The following PPM1D variants were observed in gnomAD, a reference collection of about 807,000 sequenced individuals.
PPM1D encodes protein phosphatase, Mg2+/Mn2+ dependent 1D, also known as protein phosphatase 1D.
A neutral mutation model predicts 58.3 loss-of-function variants in PPM1D; 52 were observed. That is an observed-to-expected ratio of 0.89 (90% CI 0.71 to 1.12). PPM1D has a LOEUF of 1.12. Among genes scored for constraint, PPM1D ranks in the 50% most tolerant of loss-of-function variants. The pLI is 0.00. For missense variants in PPM1D, 564 were observed against 777.2 expected, an observed-to-expected ratio of 0.73 and a Z score of 3.26; for synonymous variants, 278 against 285.1, an observed-to-expected ratio of 0.98 and a Z score of 0.25.
chr17:60,604,202 A>G (rs1447152364), intron 1 of PPM1D, among the ~76,000 whole-genome samples: 1 of 152,246 alleles, frequency 6.6e-6, no homozygotes, highest in East Asian at 1.9e-4. Flanking sequence ...ATGTTTGTTA[A>G]TATCACTGAT....
chr17:60,600,338 C>G lies in PPM1D; in HGVS notation c.-77C>G, dbSNP rs529878076. Reference sequence around the variant, plus strand: ...TCGTCGAAGATAAACAATAGTTGGCCGGCGAGCGCCTAGTGTGTCTCCCGC... The same window carrying G: ...TCGTCGAAGATAAACAATAGTTGGCGGGCGAGCGCCTAGTGTGTCTCCCGC... On this transcript the variant is annotated 5_prime_UTR_variant, in exon 1 of 6. Transcript: ENST00000305921. The G allele has an allele frequency of 4.0e-6, 6 of 1,508,914 alleles. No individual in the cohort carries two copies. The highest frequency in any genetic ancestry group is 5.3e-6 in the Non-Finnish European group (6 of 1,132,730). 93.5% of individuals were successfully genotyped at this position (1,508,914 alleles called of 1,614,324 possible). A position where few individuals can be genotyped will look rare whatever the true frequency, so the allele number is the denominator to read the frequency against.
At chr17:60,638,457 C>T (rs1182506094) in intron 3 of PPM1D, among the ~76,000 whole-genome samples, 1 of 152,040 alleles carries the variant, frequency 6.6e-6, no homozygotes, top group African/African-American at 2.4e-5. Context: ...CAACTTCCGC[C>T]TCCCCGGCTC....
intron 1 of PPM1D, chr17:60,604,520 A>G (rs569446415): frequency 2.0e-5 from 3 of 152,220 alleles, no homozygotes; most frequent in African/African-American, 4.8e-5. Flanking sequence ...AAGCCTGTTT[A>G]TGTAGTCTCC....
At chr17:60,662,339 A>G (rs1267100661) in intron 5 of PPM1D, 2 of 152,122 alleles carry the variant, frequency 1.3e-5, no homozygotes, top group African/African-American at 4.8e-5. Context: ...TTTTTGAAAT[A>G]GGGAACGCTT....
intron 1 of PPM1D, among the ~76,000 whole-genome samples, chr17:60,611,691 T>C (rs1265781040): frequency 6.6e-6 from 1 of 152,154 alleles, no homozygotes; most frequent in Non-Finnish European, 1.5e-5. Context: ...AGCGCTGGGA[T>C]TGTAGGTGTG....
Position 60,663,433 on chromosome 17 carries a change from C to T in PPM1D, c.1699C>T (p.Pro567Ser), listed in dbSNP as rs1487712457. Residue 567 changes from proline to serine, a missense_variant, in exon 6 of 6, where the codon CCC (proline) becomes TCC (serine). Physicochemically the swap from Pro to Ser is moderately conservative, Grantham distance 74. Around this residue, in one of 7 missense-constraint regions of PPM1D, gnomAD observed 261 missense variants for 270.1 expected, o/e 0.97. Transcript: ENST00000305921. ...RSSGAQPASL[P>S]TTSQRKNSVK... ...TAGTGGTGCTCAGCCTGCAAGTCTC[C>T]CCACAACCTCACAGCGAAAGAACTC... 2 of 1,614,130 alleles carry T rather than the reference C, an allele frequency of 1.2e-6. No individual in the cohort carries two copies. Among genetic ancestry groups the T allele is most frequent in the South Asian group, 2.2e-5 (2 of 91,078 alleles).
intron 1 of PPM1D, among the ~76,000 whole-genome samples, chr17:60,601,359 G>A (rs1024061804): frequency 6.6e-6 from 1 of 152,178 alleles, no homozygotes; most frequent in Non-Finnish European, 1.5e-5. Context: ...AGATTGACCC[G>A]GGATTGCTGG....
intron 1 of PPM1D, among the ~76,000 whole-genome samples, chr17:60,609,559 G>A (rs1392751170): frequency 6.6e-6 from 1 of 152,146 alleles, no homozygotes; most frequent in Non-Finnish European, 1.5e-5. Context: ...GTGTGCTGTT[G>A]GGAGTAGCAT....
At chr17:60,605,744 A>G (rs943079233) in intron 1 of PPM1D, among the ~76,000 whole-genome samples, 5 of 152,174 alleles carry the variant, frequency 3.3e-5, no homozygotes, top group African/African-American at 9.7e-5. Flanking sequence ...CTCTATTAAA[A>G]ATACAAAAAA....
In PPM1D at chr17:60,623,615, C is replaced by T. The variant is rs561304932; in HGVS notation, c.567C>T (p.His189=). ...GGGGCATGAAGATGTATGTAGCTCA[C>T]GTAGGTGACTCAGGGGTGGTTCTTG... ...IIRGMKMYVA[H]VGDSGVVLGI... Residue 189 remains histidine (H), a synonymous_variant, in exon 2 of 6, where the codon CAC becomes CAT. Transcript: ENST00000305921. 502 of 1,614,172 alleles carry T rather than the reference C, an allele frequency of 3.1e-4. 5 individuals are homozygous for T. In the South Asian group the frequency reaches 5.1e-3, roughly 16 times the overall value.
chr17:60,645,456 ATGTGTGTGTG>A (rs371276467), intron 3 of PPM1D, among the ~76,000 whole-genome samples: 180 of 123,936 alleles, frequency 1.5e-3, no homozygotes, highest in Non-Finnish European at 1.9e-3. Context: ...TAAAATATAT[ATGTGTGTGTG>A]TGTGTGTGTG....
intron 2 of PPM1D, among the ~76,000 whole-genome samples, chr17:60,626,303 T>C (rs1247663955): frequency 6.6e-6 from 1 of 152,156 alleles, no homozygotes; most frequent in Admixed American, 6.5e-5. Context: ...TCAGTGTATG[T>C]GGATGTCCTG....
intron 3 of PPM1D, among the ~76,000 whole-genome samples, chr17:60,638,923 C>T (rs1293403589): frequency 1.3e-5 from 2 of 152,016 alleles, no homozygotes; most frequent in African/African-American, 2.4e-5. Flanking sequence ...CAAAGGTGCC[C>T]TCTAGTGGCT....
At chr17:60,645,548 A>ATATATGTGTGTATATATATG (rs1598410243) in intron 3 of PPM1D, among the ~76,000 whole-genome samples, 6 of 127,382 alleles carry the variant, frequency 4.7e-5, no homozygotes, top group African/African-American at 2.0e-4. Flanking sequence ...ATATATATGT[A>ATATATGTGTGTATATATATG]TATATATGTG....
Position 60,600,362 on chromosome 17 carries a change from G to T in PPM1D, c.-53G>T. 6.5e-7 allele frequency: 1 copy of T among 1,535,450 alleles called. No homozygotes were observed. The highest frequency in any genetic ancestry group is 8.8e-7 in the Non-Finnish European group (1 of 1,141,434). On this transcript the variant is annotated 5_prime_UTR_variant, in exon 1 of 6. Coordinates refer to ENST00000305921, the MANE Select transcript of PPM1D (RefSeq NM_003620.4). ...CCGGCGAGCGCCTAGTGTGTCTCCC[G>T]CCGCCGGATTCGGCGGGCTGCGTGG...
rs553788415 is a variant in PPM1D, at chr17:60,651,176, A to T, written c.1017+3094A>T. On this transcript the variant is annotated intron_variant, in intron 4 of 5. Coordinates refer to ENST00000305921, the MANE Select transcript of PPM1D (RefSeq NM_003620.4). ...GTTTATATAATTGTTTTCATAGAGC[A>T]TTGATGGGAAGGGAAACAGGCACAC... Among the ~76,000 whole-genome samples, 4 of 152,250 alleles carry T rather than the reference A, an allele frequency of 2.6e-5. No homozygotes were observed. The East Asian group carries it at 7.7e-4, about 29-fold the overall frequency.
chr17:60,623,415 T>G, intron 1 of PPM1D, 106 bp from the exon 2 acceptor site: 1 of 1,096,210 alleles, frequency 9.1e-7, no homozygotes, highest in Non-Finnish European at 1.3e-6. Context: ...TTTCCTGTGC[T>G]AATTCGAATG....
chr17:60,638,027 G>A (rs1394221982), intron 3 of PPM1D, among the ~76,000 whole-genome samples: 1 of 152,160 alleles, frequency 6.6e-6, no homozygotes, highest in Admixed American at 6.5e-5. Flanking sequence ...AGCTTTTGGT[G>A]GAATAGCAAG....
intron 1 of PPM1D, among the ~76,000 whole-genome samples, chr17:60,616,276 A>G (rs1228530543): frequency 2.1e-5 from 3 of 146,086 alleles, no homozygotes. Context: ...CGACAGAGCA[A>G]GGCTCTGTCT....
Sources: allele counts gnomAD v4.1 joint callset (sites outside exome capture counted in the v4.1 genomes callset), GRCh38; gene constraint gnomAD v4.1.1; regional missense constraint gnomAD v4.1.1; transcripts MANE v1.5; gene names NCBI Gene and HGNC (gene_info 2026-07-23, HGNC 2026-07-21).